The following ITPKB variants were observed in gnomAD, a reference collection of about 807,000 sequenced individuals.
ITPKB encodes IP3 3-kinase B.
A neutral mutation model predicts 69.4 loss-of-function variants in ITPKB; 13 were observed. The ratio of observed to expected loss-of-function variants is 0.19; its 90% CI spans 0.12 to 0.30. ITPKB has a LOEUF of 0.30. Among genes scored for constraint, ITPKB ranks in the 10% least tolerant of loss-of-function variants. The pLI is 1.00. For synonymous variants in ITPKB, 584 were observed against 513.7 expected (o/e 1.14, Z -1.85); for missense variants, 1,240 against 1,250.5 (o/e 0.99, Z 0.13).
rs1668914979 is a variant in ITPKB at position 226,639,725 on chromosome 1, C to G, written c.2452-67G>C. On this transcript the variant is annotated intron_variant, in intron 5 of 7. Coordinates refer to ENST00000429204, the MANE Select transcript of ITPKB (RefSeq NM_002221.4). ...ACCCTCGGGCAGAAACTGTTCTCAC[C>G]CACCCAACACCACAGAGCAGGCGAG... is the stretch of plus-strand genomic sequence containing the variant. 10 of 1,010,136 alleles carry G rather than the reference C, an allele frequency of 9.9e-6. No individual in the cohort carries two copies. In the Middle Eastern group the frequency reaches 7.4e-4, roughly 75 times the overall value. 62.6% of individuals were successfully genotyped at this position (1,010,136 alleles called of 1,614,324 possible). A position where few individuals can be genotyped will look rare whatever the true frequency, so the allele number is the denominator to read the frequency against.
intron 6 of ITPKB, 94 bp downstream of exon 6, chr1:226,639,463 G>C (rs1668907517): frequency 1.2e-6 from 1 of 840,356 alleles, no homozygotes; most frequent in African/African-American, 1.7e-5. Context: ...TGTCCCTGGG[G>C]GTGCCTTGTC....
At chr1:226,682,367 C>T (rs947362447) in intron 2 of ITPKB, among the ~76,000 whole-genome samples, 11 of 152,114 alleles carry the variant, frequency 7.2e-5, no homozygotes, top group African/African-American at 1.9e-4. Context: ...AGAGAATGAC[C>T]GAAGGGACTT....
chr1:226,673,244 C>T (rs952819925), intron 2 of ITPKB, among the ~76,000 whole-genome samples: 23 of 152,008 alleles, frequency 1.5e-4, no homozygotes, highest in Admixed American at 6.6e-5. Flanking sequence ...TGTGGTGGCG[C>T]GCACCTGTGG....
In ITPKB at chr1:226,634,548, G is replaced by A. The variant is rs746326555; in HGVS notation, c.*123C>T. On this transcript the variant is annotated 3_prime_UTR_variant, in exon 8 of 8. Transcript: ENST00000429204. This position sits in a 1 kb window ranked among gnomAD's most constrained non-coding sequence, Gnocchi z 6.3. ...AAACTCTCATCTCCTCTTCTACAAA[G>A]TGTCTTGTAGTGCAGTTCAGGAGGG... 28 of 611,158 alleles carry A rather than the reference G, an allele frequency of 4.6e-5. No homozygotes were observed. Among genetic ancestry groups the A allele is most frequent in the Non-Finnish European group, 6.5e-5 (22 of 336,446 alleles). The allele number at this position is 611,158 out of a possible 1,614,324, so 37.9% of individuals were successfully genotyped here.
chr1:226,730,417 C>A (rs1407535173), intron 2 of ITPKB, among the ~76,000 whole-genome samples: 1 of 152,158 alleles, frequency 6.6e-6, no homozygotes, highest in Non-Finnish European at 1.5e-5. Context: ...AATGAGCTCC[C>A]CTGATGGCTG....
At chr1:226,685,118 CG>C (rs972060158) in intron 2 of ITPKB, among the ~76,000 whole-genome samples, 16 of 152,206 alleles carry the variant, frequency 1.1e-4, no homozygotes, top group Non-Finnish European at 1.8e-4. Context: ...AGCCCTTCAA[CG>C]GGAACAACAC....
chr1:226,723,401 T>A (rs1657302925), intron 2 of ITPKB, among the ~76,000 whole-genome samples: 1 of 151,938 alleles, frequency 6.6e-6, no homozygotes, highest in African/African-American at 2.4e-5. Context: ...AGATAAAACA[T>A]CTCCTTAATC....
chr1:226,639,475 T>C, intron 6 of ITPKB, 82 bp downstream of exon 6: 1 of 948,690 alleles, frequency 1.1e-6, no homozygotes. Context: ...TGCCTTGTCC[T>C]CCCCATGGGC....
intron 2 of ITPKB, among the ~76,000 whole-genome samples, chr1:226,649,016 C>T (rs1033086959): frequency 6.6e-6 from 1 of 152,204 alleles, no homozygotes; most frequent in Admixed American, 6.5e-5. Context: ...AGCAACGACC[C>T]CTCCAAGGAA....
intron 2 of ITPKB, among the ~76,000 whole-genome samples, chr1:226,653,339 G>A (rs910307272): frequency 6.6e-6 from 1 of 152,190 alleles, no homozygotes; most frequent in African/African-American, 2.4e-5. Context: ...GCAGGATGAG[G>A]GGACAAGAGG....
chr1:226,738,259 C>T lies in ITPKB; in HGVS notation c.-205-596G>A, dbSNP rs1015508316. Among the ~76,000 whole-genome samples, 10 of 152,232 alleles carry T rather than the reference C, an allele frequency of 6.6e-5. No homozygotes were observed. The highest frequency in any genetic ancestry group is 1.3e-4 in the Non-Finnish European group (9 of 68,032). ...GTGCCCGCCGTTTACCTTCCTGACC[C>T]TAGCCTTGGGGCTGTGTCTCTCGGC... On this transcript the variant is annotated intron_variant, in intron 1 of 7. Transcript: ENST00000429204. This position sits in a 1 kb window ranked among gnomAD's most constrained non-coding sequence, Gnocchi z 4.2.
At chr1:226,688,381 C>A (rs963717559) in intron 2 of ITPKB, among the ~76,000 whole-genome samples, 5 of 152,062 alleles carry the variant, frequency 3.3e-5, no homozygotes, top group African/African-American at 4.8e-5. Flanking sequence ...CCACTCCTGA[C>A]CGCCCCCCAT....
intron 2 of ITPKB, among the ~76,000 whole-genome samples, chr1:226,682,601 AAGGTCTTCCATAAGT>A (rs1265098626): frequency 2.0e-5 from 3 of 152,186 alleles, no homozygotes; most frequent in African/African-American, 7.2e-5. Context: ...TGGCACATAC[AAGGTCTTCCATAAGT>A]GACACTTATG....
intron 2 of ITPKB, among the ~76,000 whole-genome samples, chr1:226,671,741 C>T (rs1669621985): frequency 6.6e-6 from 1 of 152,140 alleles, no homozygotes; most frequent in Non-Finnish European, 1.5e-5. Context: ...CATACACAGG[C>T]AGAGGGTATG....
chr1:226,684,204 T>C (rs961138624), intron 2 of ITPKB, among the ~76,000 whole-genome samples: 2 of 152,144 alleles, frequency 1.3e-5, no homozygotes, highest in Non-Finnish European at 1.5e-5. Flanking sequence ...ATGGCACCAG[T>C]CCAGGTGTTA....
rs376958767 is a variant in ITPKB, at chr1:226,684,142, C to T, written c.1933-35371G>A. 6.0e-4 allele frequency among the ~76,000 whole-genome samples: 92 copies of T among 152,268 alleles called. 1 individual carries two copies. The South Asian group carries it at 0.016, about 27-fold the overall frequency. On this transcript the variant is annotated intron_variant, in intron 2 of 7. Transcript: ENST00000429204. The stretch of plus-strand genomic sequence containing the variant: ...CCACCAAGAATTCTCTCTCACCTTT[C>T]GCATGCAGTACTGACGTTGGGGCCA...
At chr1:226,715,091 T>C (rs1401658767) in intron 2 of ITPKB, among the ~76,000 whole-genome samples, 3 of 152,264 alleles carry the variant, frequency 2.0e-5, no homozygotes, top group East Asian at 3.8e-4. Context: ...ATTTTAGACA[T>C]GTCACTTAAC....
At chr1:226,732,681 A>C (rs893375184) in intron 2 of ITPKB, among the ~76,000 whole-genome samples, 2 of 151,860 alleles carry the variant, frequency 1.3e-5, no homozygotes, top group Non-Finnish European at 2.9e-5. Flanking sequence ...AGATTCTCTT[A>C]AACAGAATTA....
At chr1:226,680,521 C>A (rs1168267800) in intron 2 of ITPKB, among the ~76,000 whole-genome samples, 1 of 152,076 alleles carries the variant, frequency 6.6e-6, no homozygotes, top group African/African-American at 2.4e-5. Flanking sequence ...GAAGAGTCGG[C>A]TCTAATGATT....
Sources: allele counts gnomAD v4.1 joint callset (sites outside exome capture counted in the v4.1 genomes callset), GRCh38; gene constraint gnomAD v4.1.1; non-coding constraint Gnocchi (gnomAD v3.1); transcripts MANE v1.5; gene names NCBI Gene and HGNC (gene_info 2026-07-23, HGNC 2026-07-21).